The following ORC3 variants were observed in gnomAD, a reference collection of about 807,000 sequenced individuals.
ORC3 encodes origin recognition complex subunit 3.
In ORC3, 78 loss-of-function variants were observed where a neutral mutation model predicts 100.7. The observed-to-expected ratio is 0.77, with a 90% CI of 0.65 to 0.94. The LOEUF is 0.94. Ranked by LOEUF, ORC3 falls within the 40% of genes least tolerant of loss-of-function variation. ORC3 has a pLI of 0.00. For missense variants in ORC3, 789 were observed against 823.9 expected, an observed-to-expected ratio of 0.96 and a Z score of 0.52; for synonymous variants, 295 against 289.3, an observed-to-expected ratio of 1.02 and a Z score of -0.20.
At chr6:87,606,301 C>T (rs919744435) in intron 5 of ORC3, among the ~76,000 whole-genome samples, 1 of 152,098 alleles carries the variant, frequency 6.6e-6, no homozygotes, top group East Asian at 1.9e-4. Context: ...CCCAGTGAAA[C>T]GTTTAATAAG....
chr6:87,677,235 T>C, the ORC3 span, among the ~76,000 whole-genome samples: 1 of 152,164 alleles, frequency 6.6e-6, no homozygotes, highest in African/African-American at 2.4e-5. Flanking sequence ...CCTGATCAAG[T>C]ATCACAGAAA....
In ORC3 at chr6:87,657,841, A is replaced by G. The variant is rs28381523; in HGVS notation, c.1594-80A>G. 1.6e-3 allele frequency: 1,195 copies of G among 742,634 alleles called. 12 individuals carry two copies. The African/African-American group carries it at 0.018, about 11-fold the overall frequency. 46.0% of individuals were successfully genotyped at this position (742,634 alleles called of 1,614,324 possible). ...TATGGAAAGGGCATCAGGTGCTTCT[A>G]TAGAACTTACCAACAGAGCTCCCTC... is the stretch of plus-strand genomic sequence containing the variant. On this transcript the variant is annotated intron_variant, in intron 15 of 19. Coordinates refer to ENST00000392844, the MANE Select transcript of ORC3 (RefSeq NM_012381.4).
At chr6:87,598,095 T>C (rs1267312802) in intron 2 of ORC3, among the ~76,000 whole-genome samples, 3 of 152,186 alleles carry the variant, frequency 2.0e-5, no homozygotes, top group African/African-American at 7.2e-5. Context: ...AGTGGCACAA[T>C]CATAGTCCAC....
chr6:87,616,902 G>T (rs1033695187), intron 9 of ORC3, among the ~76,000 whole-genome samples: 6 of 152,006 alleles, frequency 3.9e-5, no homozygotes, highest in African/African-American at 1.4e-4. Flanking sequence ...CCGGGTTCAA[G>T]CAATTCTGCC....
intron 8 of ORC3, among the ~76,000 whole-genome samples, chr6:87,616,049 T>C (rs1309193176): frequency 6.6e-6 from 1 of 152,048 alleles, no homozygotes; most frequent in East Asian, 1.9e-4. Context: ...TAATAGGTGG[T>C]ATTTTTTTTT....
At chr6:87,652,819 A>G (rs1056323933) in intron 13 of ORC3, among the ~76,000 whole-genome samples, 4 of 152,220 alleles carry the variant, frequency 2.6e-5, no homozygotes, top group Admixed American at 6.5e-5. Flanking sequence ...ACAACGAACC[A>G]AGGATCAGAG....
chr6:87,649,638 C>G (rs1025376905), intron 13 of ORC3, among the ~76,000 whole-genome samples: 4 of 152,072 alleles, frequency 2.6e-5, no homozygotes, highest in African/African-American at 9.7e-5. Context: ...TCCAGCTACT[C>G]AGGAGGCTGA....
At chr6:87,606,581 A>T (rs908433285) in intron 5 of ORC3, among the ~76,000 whole-genome samples, 1 of 150,684 alleles carries the variant, frequency 6.6e-6, no homozygotes, top group Non-Finnish European at 1.5e-5. Flanking sequence ...CCTAGGCTGT[A>T]CTACAGTAGC....
chr6:87,623,720 C>T (rs1010062657), intron 11 of ORC3, among the ~76,000 whole-genome samples: 3 of 152,050 alleles, frequency 2.0e-5, no homozygotes, highest in Admixed American at 1.3e-4. Context: ...CCCATCTCTA[C>T]TAAAAATACA....
At chr6:87,595,583 C>G (rs1335401198) in intron 2 of ORC3, 2 of 152,196 alleles carry the variant, frequency 1.3e-5, no homozygotes, top group Admixed American at 1.3e-4. Context: ...GATTTCCTCT[C>G]TTAGTCTTCA....
chr6:87,675,581 A>T, the ORC3 span: 1 of 1,614,118 alleles, frequency 6.2e-7, no homozygotes, highest in Non-Finnish European at 8.5e-7. Flanking sequence ...CAGCCCACAA[A>T]TGCAGGATAC....
the ORC3 span, chr6:87,675,659 C>T: frequency 1.2e-5 from 20 of 1,603,908 alleles, no homozygotes; most frequent in Admixed American, 1.7e-5. Flanking sequence ...AAAATCCAAA[C>T]GAATACTAGA....
At chr6:87,662,291 G>C (rs925503155) in intron 16 of ORC3, among the ~76,000 whole-genome samples, 10 of 152,062 alleles carry the variant, frequency 6.6e-5, no homozygotes, top group Non-Finnish European at 1.3e-4. Context: ...CGGGCGTGTT[G>C]GTGGGCACCT....
At chr6:87,666,672 T>G (rs1370120285) in intron 19 of ORC3, among the ~76,000 whole-genome samples, 3 of 150,278 alleles carry the variant, frequency 2.0e-5, no homozygotes, top group African/African-American at 7.4e-5. Context: ...CTCCTGACCT[T>G]AGGTGATCTG....
At chr6:87,653,388 A>T in intron 14 of ORC3, 139 bp downstream of exon 14, 1 of 658,628 alleles carries the variant, frequency 1.5e-6, no homozygotes, top group South Asian at 3.7e-5. Context: ...CAAGCCTCAT[A>T]GTATCACATT....
chr6:87,666,956 A>G, intron 19 of ORC3, 62 bp from the exon 20 acceptor site: 2 of 934,266 alleles, frequency 2.1e-6, no homozygotes, highest in Non-Finnish European at 3.4e-6. Flanking sequence ...TTTAACATTG[A>G]GATTTTAATC....
intron 11 of ORC3, among the ~76,000 whole-genome samples, chr6:87,630,861 T>C (rs1264726993): frequency 6.6e-6 from 1 of 151,978 alleles, no homozygotes; most frequent in Admixed American, 6.6e-5. Context: ...GAGGCTGTTA[T>C]GTATTGCTTT....
rs201924978 is a variant in ORC3, at chr6:87,603,483, G to C, written c.277G>C (p.Gly93Arg). 2.0e-6 allele frequency: 3 copies of C among 1,525,654 alleles called. No homozygotes were observed. In the Admixed American group the frequency reaches 5.1e-5, roughly 26 times the overall value. The allele number at this position is 1,525,654 out of a possible 1,614,324, so 94.5% of individuals were successfully genotyped here. The change falls in exon 4 of 20, where the codon GGT becomes CGT. Residue 93 changes from glycine to arginine, a missense_variant. Physicochemically the swap from Gly to Arg is moderately radical, Grantham distance 125. Around this residue, in one of 3 missense-constraint regions of ORC3, gnomAD observed 399 missense variants for 382.0 expected, o/e 1.04. Coordinates refer to ENST00000392844, the MANE Select transcript of ORC3 (RefSeq NM_012381.4). ...CCAGAAGAATTCAAGAGACTTGGGC[G>C]GTCAAATAAAACTCAGAGAAATTCC... ...GFQKNSRDLG[G>R]QIKLREIPTA...
At chr6:87,645,540 TC>T (rs1768694694) in intron 13 of ORC3, among the ~76,000 whole-genome samples, 1 of 152,228 alleles carries the variant, frequency 6.6e-6, no homozygotes, top group Admixed American at 6.5e-5. Flanking sequence ...TTCCTTAACT[TC>T]CAGCCTTCAT....
Sources: gnomAD v4.1 joint callset for allele counts (sites outside exome capture counted in the v4.1 genomes callset) on GRCh38, gnomAD v4.1.1 for gene constraint, gnomAD v4.1.1 regional missense constraint, MANE v1.5 for transcripts, NCBI Gene and HGNC (gene_info 2026-07-23, HGNC 2026-07-21) for gene names.